PALM2AKAP2: variants seen among roughly 807,000 people sequenced by gnomAD.
PALM2AKAP2 encodes PALM2 and AKAP2 fusion, also known as PALM2-AKAP2 fusion protein.
A neutral mutation model predicts 71.5 loss-of-function variants in PALM2AKAP2; 37 were observed. The ratio of observed to expected loss-of-function variants is 0.52; its 90% CI spans 0.40 to 0.68. The LOEUF (loss-of-function observed/expected upper bound fraction) is 0.68, where lower values mean the gene tolerates loss of function less well. Ranked by LOEUF, PALM2AKAP2 falls within the 30% of genes least tolerant of loss-of-function variation. The pLI, the probability that PALM2AKAP2 is intolerant of heterozygous loss-of-function variation, is 0.00. For synonymous variants in PALM2AKAP2, 468 were observed against 478.8 expected (o/e 0.98, Z 0.29); for missense variants, 1,224 against 1,191.8 (o/e 1.03, Z -0.40).
At chr9:109,999,909 A>C (rs192898406) in intron 6 of PALM2AKAP2, among the ~76,000 whole-genome samples, 2 of 151,368 alleles carry the variant, frequency 1.3e-5, no homozygotes, top group African/African-American at 4.8e-5. Context: ...CTTAGCTTAC[A>C]CAAATTTGAG....
At chr9:109,935,144 C>T (rs943986751) in intron 6 of PALM2AKAP2, among the ~76,000 whole-genome samples, 1 of 152,212 alleles carries the variant, frequency 6.6e-6, no homozygotes, top group Non-Finnish European at 1.5e-5. Flanking sequence ...TCACTTGAAT[C>T]TAGGCCTCAA....
chr9:109,686,848 C>A (rs896702524), intron 1 of PALM2AKAP2, among the ~76,000 whole-genome samples: 3 of 146,028 alleles, frequency 2.1e-5, no homozygotes, highest in Non-Finnish European at 4.5e-5. Context: ...CCACAACAGG[C>A]CCCGGTGTGT....
chr9:110,172,063 T>C (rs1836872236), exon 4 of PALM2AKAP2: 1 of 152,654 alleles, frequency 6.6e-6, no homozygotes, highest in African/African-American at 2.4e-5. Flanking sequence ...CACATATATA[T>C]ATATAAAGTG....
intron 2 of PALM2AKAP2, among the ~76,000 whole-genome samples, chr9:109,875,937 C>T (rs2131736202): frequency 6.6e-6 from 1 of 152,310 alleles, no homozygotes; most frequent in East Asian, 1.9e-4. Flanking sequence ...CCCACCTGCT[C>T]CTTCCTTGTA....
intron 1 of PALM2AKAP2, among the ~76,000 whole-genome samples, chr9:109,851,175 T>TCAAAAA (rs1554720621): frequency 3.1e-4 from 40 of 130,230 alleles, no homozygotes; most frequent in African/African-American, 1.1e-3. Context: ...AGACTCCGTC[T>TCAAAAA]CAACAACAAC....
chr9:110,031,019 T>G (rs145123863), intron 7 of PALM2AKAP2, among the ~76,000 whole-genome samples: 71 of 152,352 alleles, frequency 4.7e-4, no homozygotes, highest in Admixed American at 3.3e-4. Context: ...TACCAGCAGC[T>G]GCAGTTCCCA....
At position 110,069,489 on chromosome 9, in the gene PALM2AKAP2, G is replaced by T. The variant is rs139690386; in HGVS notation, c.156+20634G>T. ...AAGGCCACTCCATGTCATTCTTGTG[G>T]CTTGTTAATGTGGTTAATTGAAACC... On this transcript the variant is annotated intron_variant, in intron 1 of 3. Coordinates refer to ENST00000374525, the Ensembl canonical transcript of PALM2AKAP2. Among the ~76,000 whole-genome samples, 424 of 152,284 alleles carry T rather than the reference G, an allele frequency of 2.8e-3. 1 individual carries two copies. The highest frequency in any genetic ancestry group is 9.5e-3 in the African/African-American group (394 of 41,570).
chr9:109,869,235 T>A (rs1413872009), intron 2 of PALM2AKAP2, among the ~76,000 whole-genome samples: 1 of 152,208 alleles, frequency 6.6e-6, no homozygotes, highest in Non-Finnish European at 1.5e-5. Flanking sequence ...CTTCTCATGA[T>A]CCTGGGTGCC....
At chr9:110,153,774 C>T (rs1836380020) in intron 2 of PALM2AKAP2, among the ~76,000 whole-genome samples, 1 of 152,174 alleles carries the variant, frequency 6.6e-6, no homozygotes, top group South Asian at 2.1e-4. Flanking sequence ...CCCCCCTGTC[C>T]TCAGGATGAC....
intron 2 of PALM2AKAP2, among the ~76,000 whole-genome samples, chr9:109,871,444 C>T (rs1829600569): frequency 6.6e-6 from 1 of 151,968 alleles, no homozygotes; most frequent in Non-Finnish European, 1.5e-5. Context: ...ACAAGTAGAA[C>T]TAGTAAGCAA....
In PALM2AKAP2 at chr9:110,109,611, G is replaced by T. The variant is rs118056576; in HGVS notation, c.157-26516G>T. 9.7e-3 allele frequency among the ~76,000 whole-genome samples: 1,483 copies of T among 152,230 alleles called. 23 individuals carry two copies. Among genetic ancestry groups the T allele is most frequent in the African/African-American group, 0.029 (1,202 of 41,522 alleles). ...ATGTCTTCTAGAACTACGTGCAAGGGGTCGCAGAGCAGCTAATTCTGCCGC... is the reference window on the plus strand; with the variant it reads ...ATGTCTTCTAGAACTACGTGCAAGGTGTCGCAGAGCAGCTAATTCTGCCGC... On this transcript the variant is annotated intron_variant, in intron 1 of 3. Transcript: ENST00000374525.
chr9:110,138,747 G>A (rs1332229384), intron 2 of PALM2AKAP2, among the ~76,000 whole-genome samples: 1 of 152,218 alleles, frequency 6.6e-6, no homozygotes, highest in Non-Finnish European at 1.5e-5. Flanking sequence ...CATGGAGTTT[G>A]CCACTTTCCA....
chr9:109,747,323 A>T (rs1463337328), intron 1 of PALM2AKAP2, among the ~76,000 whole-genome samples: 1 of 152,204 alleles, frequency 6.6e-6, no homozygotes, highest in Admixed American at 6.5e-5. Flanking sequence ...GAGGTTTTTT[A>T]AAATTATAAA....
chr9:109,867,317 T>C (rs1829478061), intron 1 of PALM2AKAP2, 174 bp from the exon 2 acceptor site: 1 of 624,316 alleles, frequency 1.6e-6, no homozygotes, highest in Non-Finnish European at 2.8e-6. Context: ...GTTAGGAGAA[T>C]GCTGCTGCTT....
intron 1 of PALM2AKAP2, among the ~76,000 whole-genome samples, chr9:110,126,865 C>T (rs1835618816): frequency 6.6e-6 from 1 of 152,206 alleles, no homozygotes; most frequent in South Asian, 2.1e-4. Flanking sequence ...GAGCCACTGA[C>T]TTTTCAGCAG....
intron 1 of PALM2AKAP2, among the ~76,000 whole-genome samples, chr9:110,063,437 C>T (rs937637113): frequency 7.2e-6 from 1 of 138,690 alleles, no homozygotes; most frequent in Non-Finnish European, 1.6e-5. Flanking sequence ...GTCCAAATTT[C>T]TATTTTTTTT....
At chr9:109,726,907 C>T (rs1828486020) in intron 1 of PALM2AKAP2, among the ~76,000 whole-genome samples, 1 of 152,138 alleles carries the variant, frequency 6.6e-6, no homozygotes, top group Non-Finnish European at 1.5e-5. Flanking sequence ...GGTACCAAAC[C>T]GGACAGTGAG....
intron 1 of PALM2AKAP2, among the ~76,000 whole-genome samples, chr9:109,751,411 A>G (rs976097529): frequency 6.6e-6 from 1 of 151,972 alleles, no homozygotes; most frequent in African/African-American, 2.4e-5. Context: ...TCTTTGTTTT[A>G]CTCACTAGTA....
At chr9:110,146,184 C>G (rs903809963) in intron 2 of PALM2AKAP2, among the ~76,000 whole-genome samples, 1 of 152,068 alleles carries the variant, frequency 6.6e-6, no homozygotes, top group African/African-American at 2.4e-5. Flanking sequence ...GGATTACAGG[C>G]GTGAGCCACC....
Sources: gnomAD v4.1 joint callset for allele counts (sites outside exome capture counted in the v4.1 genomes callset) on GRCh38, gnomAD v4.1.1 for gene constraint, MANE v1.5 for transcripts, NCBI Gene and HGNC (gene_info 2026-07-23, HGNC 2026-07-21) for gene names.